The following CTNNA2 variants were observed in gnomAD, a reference collection of about 807,000 sequenced individuals.
CTNNA2 encodes catenin alpha 2.
In CTNNA2, 42 loss-of-function variants were observed where a neutral mutation model predicts 101.0. That is an observed-to-expected ratio of 0.42 (90% CI 0.32 to 0.54). The LOEUF (loss-of-function observed/expected upper bound fraction) is 0.54. Among genes scored for constraint, CTNNA2 ranks in the 20% least tolerant of loss-of-function variants. The pLI is 0.14. For missense variants in CTNNA2, 871 were observed against 1,223.1 expected (o/e 0.71, Z 4.29); for synonymous variants, 450 against 456.4 (o/e 0.99, Z 0.18).
At chr2:80,592,323 C>T (rs975108907) in intron 15 of CTNNA2, among the ~76,000 whole-genome samples, 2 of 152,278 alleles carry the variant, frequency 1.3e-5, no homozygotes, top group African/African-American at 4.8e-5. Flanking sequence ...ATCCAGGCCA[C>T]ATCTGCTCAG....
At chr2:79,738,863 G>T (rs1671085427) in intron 2 of CTNNA2, among the ~76,000 whole-genome samples, 1 of 152,156 alleles carries the variant, frequency 6.6e-6, no homozygotes, top group Non-Finnish European at 1.5e-5. Flanking sequence ...AGTGACTAAT[G>T]AAATCTGAAT....
rs939157392 is a variant in CTNNA2, at chr2:80,645,869, G to C, written c.2575-1716G>C. Among the ~76,000 whole-genome samples, 4 of 152,258 alleles carry C rather than the reference G, an allele frequency of 2.6e-5. No individual in the cohort carries two copies. In the South Asian group the frequency reaches 8.3e-4, roughly 32 times the overall value. ...TGGGTTACTCCATCCATTTGGTTGA[G>C]TTAATTCACAAAGCAATTATATAAA... On this transcript the variant is annotated intron_variant, in intron 18 of 18. Transcript: ENST00000402739.
chr2:80,602,856 T>G, intron 15 of CTNNA2, among the ~76,000 whole-genome samples: 1 of 152,068 alleles, frequency 6.6e-6, no homozygotes, highest in East Asian at 1.9e-4. Flanking sequence ...ATTTAAACAT[T>G]AATAGAAACC....
chr2:80,397,330 A>G (rs1487039608), intron 8 of CTNNA2, among the ~76,000 whole-genome samples: 3 of 152,168 alleles, frequency 2.0e-5, no homozygotes, highest in African/African-American at 7.2e-5. Flanking sequence ...TCCACACACT[A>G]GCTCTAAAAG....
intron 1 of CTNNA2, among the ~76,000 whole-genome samples, chr2:79,522,457 C>T (rs1023679532): frequency 2.0e-5 from 3 of 152,152 alleles, no homozygotes; most frequent in Non-Finnish European, 2.9e-5. Flanking sequence ...CAGTTTAATA[C>T]CAGACAGAAT....
chr2:79,411,865 A>G (rs1009310130), intron 4 of CTNNA2, among the ~76,000 whole-genome samples: 1 of 152,182 alleles, frequency 6.6e-6, no homozygotes, highest in African/African-American at 2.4e-5. Context: ...AGCTAACATC[A>G]TAATGACAGA....
intron 2 of CTNNA2, among the ~76,000 whole-genome samples, chr2:79,735,672 C>T (rs974884334): frequency 2.6e-5 from 4 of 152,274 alleles, no homozygotes; most frequent in African/African-American, 4.8e-5. Context: ...AAGTATAATA[C>T]GTTAATTATA....
At chr2:79,777,327 A>ATG (rs67347678) in intron 3 of CTNNA2, among the ~76,000 whole-genome samples, 9,134 of 139,482 alleles carry the variant, frequency 0.065, 334 homozygotes, top group East Asian at 0.093. Flanking sequence ...AACACTTGTT[A>ATG]TGTGTGTGTG....
intron 3 of CTNNA2, among the ~76,000 whole-genome samples, chr2:79,318,536 T>C (rs1014450135): frequency 6.6e-6 from 1 of 152,192 alleles, no homozygotes; most frequent in Admixed American, 6.5e-5. Flanking sequence ...AAGAGATGCA[T>C]ATATCATTAT....
At chr2:80,221,953 C>G (rs982244292) in intron 7 of CTNNA2, among the ~76,000 whole-genome samples, 3 of 152,158 alleles carry the variant, frequency 2.0e-5, no homozygotes, top group African/African-American at 7.2e-5. Context: ...ATCTAAATTG[C>G]TTCATAATAA....
chr2:80,075,697 CTTGT>C (rs1558783789), intron 7 of CTNNA2, among the ~76,000 whole-genome samples: 3,037 of 74,754 alleles, frequency 0.041, 421 homozygotes, highest in African/African-American at 0.12. Flanking sequence ...AATATTTATA[CTTGT>C]ATAAATATTA....
At chr2:80,248,271 G>T (rs1393237554) in intron 7 of CTNNA2, among the ~76,000 whole-genome samples, 1 of 152,118 alleles carries the variant, frequency 6.6e-6, no homozygotes, top group African/African-American at 2.4e-5. Flanking sequence ...TTTAGACTTA[G>T]TCTGAAGTGC....
intron 7 of CTNNA2, among the ~76,000 whole-genome samples, chr2:80,212,784 G>A (rs1369314822): frequency 6.6e-6 from 1 of 151,650 alleles, no homozygotes; most frequent in East Asian, 1.9e-4. Context: ...AATAGTTTCA[G>A]AAGGTACAAG....
intron 4 of CTNNA2, among the ~76,000 whole-genome samples, chr2:79,404,765 T>C (rs376836002): frequency 9.2e-5 from 14 of 151,958 alleles, no homozygotes; most frequent in Admixed American, 9.2e-4. Flanking sequence ...TTGGGCTCAG[T>C]GGAAATGTCA....
chr2:80,441,336 T>A (rs898302929), intron 9 of CTNNA2, among the ~76,000 whole-genome samples: 1 of 152,220 alleles, frequency 6.6e-6, no homozygotes, highest in Non-Finnish European at 1.5e-5. Context: ...ATTCCTCTTG[T>A]GTAGTTCTTC....
At position 79,371,625 on chromosome 2, in the gene CTNNA2, C is replaced by T. The variant is rs191400523; in HGVS notation, c.-317-2206C>T. 2.0e-5 allele frequency among the ~76,000 whole-genome samples: 3 copies of T among 152,250 alleles called. No individual in the cohort carries two copies. The South Asian group carries it at 6.2e-4, about 32-fold the overall frequency. ...GAAAGGTTAGGGTAGGAATTCCCTA[C>T]CCTACTTTGCAGGAGGAACATGGTT... On this transcript the variant is annotated intron_variant, in intron 3 of 21. Transcript: ENST00000466387.
chr2:80,075,538 A>ACATGTATAAATATTAT (rs1698621648), intron 7 of CTNNA2, among the ~76,000 whole-genome samples: 2 of 145,444 alleles, frequency 1.4e-5, no homozygotes, highest in African/African-American at 5.0e-5. Context: ...TAACTGTTAT[A>ACATGTATAAATATTAT]AAAATAATAT....
chr2:79,328,561 G>A (rs1387612347), intron 3 of CTNNA2, among the ~76,000 whole-genome samples: 1 of 152,144 alleles, frequency 6.6e-6, no homozygotes, highest in African/African-American at 2.4e-5. Flanking sequence ...ATTAAGGGCT[G>A]GTAGTGTGTT....
intron 4 of CTNNA2, among the ~76,000 whole-genome samples, chr2:79,444,015 A>G (rs1240595466): frequency 6.6e-6 from 1 of 151,770 alleles, no homozygotes; most frequent in African/African-American, 2.4e-5. Context: ...AATGGCAACA[A>G]CCAGTGAAGA....
Sources: allele counts gnomAD v4.1 joint callset (sites outside exome capture counted in the v4.1 genomes callset), GRCh38; gene constraint gnomAD v4.1.1; transcripts MANE v1.5; gene names NCBI Gene and HGNC (gene_info 2026-07-23, HGNC 2026-07-21).